The following TGM7 variants were observed in gnomAD, a reference collection of about 807,000 sequenced individuals.
TGM7 encodes transglutaminase 7.
Under a neutral mutation model 79.5 loss-of-function variants are expected in TGM7, and 74 were observed. The observed-to-expected ratio is 0.93, with a 90% CI of 0.77 to 1.13. The LOEUF (loss-of-function observed/expected upper bound fraction) is 1.13, where lower values mean the gene tolerates loss of function less well. TGM7 is among the 50% of genes most tolerant of loss of function. The probability of loss-of-function intolerance (pLI) is 0.00; values close to 1 mark genes in which losing one functional copy is unlikely to be tolerated. For missense variants in TGM7, 912 were observed against 905.9 expected, an observed-to-expected ratio of 1.01 and a Z score of -0.09; for synonymous variants, 354 against 362.5, an observed-to-expected ratio of 0.98 and a Z score of 0.27.
rs760364994 is a variant in TGM7 at position 43,276,561 on chromosome 15, G to C, written c.2027C>G (p.Pro676Arg). The C allele has an allele frequency of 6.2e-7, 1 of 1,614,156 alleles. No homozygotes were observed. Among genetic ancestry groups the C allele is most frequent in the East Asian group, 2.2e-5 (1 of 44,870 alleles). The stretch of plus-strand genomic sequence containing the variant: ...GAGCTGGCGGGGTCCAGCTTTGGTC[G>C]GGTAGAGGTCCAGTTGAATTTGGAG... Reference protein sequence around the residue: ...HTLQIQLDLYPTKAGPRQLQV... With the variant: ...HTLQIQLDLYRTKAGPRQLQV... The change falls in exon 13 of 13, where the codon CCG becomes CGG. Residue 676 changes from proline to arginine, a missense_variant. Transcript: ENST00000452443.
intron 1 of TGM7, among the ~76,000 whole-genome samples, chr15:43,297,765 G>A (rs1242320141): frequency 2.0e-5 from 3 of 152,144 alleles, no homozygotes; most frequent in Admixed American, 6.6e-5. Flanking sequence ...CTCTCCACTC[G>A]GGTCTTGGCT....
intron 8 of TGM7, 111 bp from the exon 9 acceptor site, chr15:43,282,197 T>G: frequency 6.9e-7 from 1 of 1,448,248 alleles, no homozygotes; most frequent in Non-Finnish European, 9.3e-7. Flanking sequence ...GTGGGATATC[T>G]TCCAGTTTAC....
chr15:43,277,561 C>T (rs2042884489), intron 11 of TGM7, among the ~76,000 whole-genome samples: 1 of 152,180 alleles, frequency 6.6e-6, no homozygotes, highest in African/African-American at 2.4e-5. Context: ...GCTGCTGTGT[C>T]TTCATAAACA....
rs551681536 is a variant in TGM7 at position 43,294,351 on chromosome 15, G to C, written c.11-720C>G. Reference sequence around the variant, plus strand: ...GTTGTAAAACTCTCATAGCACAGTAGGCAGTGGGCAGGTTCTGGACTGACA... The same window carrying C: ...GTTGTAAAACTCTCATAGCACAGTACGCAGTGGGCAGGTTCTGGACTGACA... On this transcript the variant is annotated intron_variant, in intron 1 of 12. Coordinates refer to ENST00000452443, the MANE Select transcript of TGM7 (RefSeq NM_052955.3). Among the ~76,000 whole-genome samples, 7 of 152,314 alleles carry C rather than the reference G, an allele frequency of 4.6e-5. No individual in the cohort carries two copies. In the East Asian group the frequency reaches 1.4e-3, roughly 29 times the overall value.
Position 43,282,514 on chromosome 15 carries a change from C to T in TGM7, c.1108+3G>A. 6.3e-7 allele frequency: 1 copy of T among 1,580,830 alleles called. No homozygotes were observed. The highest frequency in any genetic ancestry group is 2.3e-5 in the East Asian group (1 of 43,752). ...AGAGCCTGTTGCAATGGTCCTCACT[C>T]ACCACTGCTGGTCTGCTGGGGAGTG... On this transcript the variant is annotated splice_donor_region_variant and intron_variant, in intron 8 of 12. Coordinates refer to ENST00000452443, the MANE Select transcript of TGM7 (RefSeq NM_052955.3).
At position 43,290,569 on chromosome 15, in the gene TGM7, A is replaced by G. The variant is rs1456298396; in HGVS notation, c.558+1410T>C. Among the ~76,000 whole-genome samples the G allele has an allele frequency of 2.0e-5, 3 of 152,304 alleles. No homozygotes were observed. The East Asian group carries it at 5.8e-4, about 29-fold the overall frequency. On this transcript the variant is annotated intron_variant, in intron 4 of 12. Transcript: ENST00000452443. ...GCAGGCTCTTTTTGGGTTCCATATG[A>G]ACTTTAAAGTAGCTTTTTCCAATTC...
In TGM7 at chr15:43,276,551, A is replaced by G; in HGVS notation, c.2037T>C (p.Ala679=). Residue 679 remains alanine (A), a synonymous_variant, in exon 13 of 13, where the codon GCT becomes GCC. Transcript: ENST00000452443. Reference sequence around the variant, plus strand: ...TGAGAACCTGGAGCTGGCGGGGTCCAGCTTTGGTCGGGTAGAGGTCCAGTT... The same window carrying G: ...TGAGAACCTGGAGCTGGCGGGGTCCGGCTTTGGTCGGGTAGAGGTCCAGTT... ...QIQLDLYPTK[A]GPRQLQVLIS... The G allele has an allele frequency of 1.9e-6, 3 of 1,614,168 alleles. No homozygotes were observed. The highest frequency in any genetic ancestry group is 2.5e-6 in the Non-Finnish European group (3 of 1,180,024).
At position 43,279,901 on chromosome 15, in the gene TGM7, C is replaced by T. The variant is rs2042898580; in HGVS notation, c.1402G>A (p.Gly468Ser). The T allele has an allele frequency of 6.2e-7, 1 of 1,614,140 alleles. No homozygotes were observed. The highest frequency in any genetic ancestry group is 8.5e-7 in the Non-Finnish European group (1 of 1,180,010). ...VFMKASRKMLGPQRASLPFLD... is the reference protein window; with the variant it reads ...VFMKASRKMLSPQRASLPFLD... The stretch of plus-strand genomic sequence containing the variant: ...AAGGGCAAAGAAGCTCTTTGGGGGC[C>T]CAGCATTTTCCGAGAAGCCTTCATG... Residue 468 changes from glycine (G) to serine (S), a missense_variant, in exon 10 of 13, where the codon GGC (glycine) becomes AGC (serine). Coordinates refer to ENST00000452443, the MANE Select transcript of TGM7 (RefSeq NM_052955.3).
At chr15:43,281,823 C>T (rs1427441257) in intron 9 of TGM7, 21 bp downstream of exon 9, 1 of 1,609,828 alleles carries the variant, frequency 6.2e-7, no homozygotes, top group Non-Finnish European at 8.5e-7. Context: ...GCAGCCCTTT[C>T]CCCAAATACC....
At position 43,279,851 on chromosome 15, in the gene TGM7, A is replaced by AC. The variant is rs766467510; in HGVS notation, c.1451dup (p.Leu485SerfsTer2). ...GCAGCTGCGCTGGCTGATCCCTAAG[A>AC]CCCCCAGACTCCAGGAGATCCAGGA... On this transcript the variant is annotated frameshift_variant, in exon 10 of 13. Coordinates refer to ENST00000452443, the MANE Select transcript of TGM7 (RefSeq NM_052955.3). LOFTEE classifies it high-confidence loss of function. 2.5e-6 allele frequency: 4 copies of AC among 1,613,954 alleles called. No homozygotes were observed. The highest frequency in any genetic ancestry group is 3.4e-6 in the Non-Finnish European group (4 of 1,179,988).
chr15:43,293,520 A>T lies in TGM7; in HGVS notation c.122T>A (p.Phe41Tyr), dbSNP rs1180993200. Residue 41 changes from phenylalanine to tyrosine, a missense_variant, in exon 2 of 13, where the codon TTC becomes TAC. Coordinates refer to ENST00000452443, the MANE Select transcript of TGM7 (RefSeq NM_052955.3). ...KRLTVRRGQP[F>Y]YLRLSFSRPF... ...TCGGCTGAAGCTCAGCCGGAGGTAG[A>T]AGGGCTGGCCGCGGCGCACAGTGAG... is the stretch of plus-strand genomic sequence containing the variant. 1 of 1,611,760 alleles carries T rather than the reference A, an allele frequency of 6.2e-7. No individual in the cohort carries two copies. Among genetic ancestry groups the T allele is most frequent in the South Asian group, 1.1e-5 (1 of 90,992 alleles).
At position 43,279,652 on chromosome 15, in the gene TGM7, C is replaced by A. The variant is rs1207780038; in HGVS notation, c.1651G>T (p.Val551Leu). The change falls in exon 10 of 13, where the codon GTG becomes TTG. Residue 551 changes from valine to leucine, a missense_variant. Coordinates refer to ENST00000452443, the MANE Select transcript of TGM7 (RefSeq NM_052955.3). Reference sequence around the variant, plus strand: ...TTCCCAAAGTCCAGGTTCATCCGCACTGTGTGCCTCCAGAAGGGCTTCTGG... The same window carrying A: ...TTCCCAAAGTCCAGGTTCATCCGCAATGTGTGCCTCCAGAAGGGCTTCTGG... Reference protein sequence around the residue: ...GTQKPFWRHTVRMNLDFGKET... With the variant: ...GTQKPFWRHTLRMNLDFGKET... 1 of 1,607,374 alleles carries A rather than the reference C, an allele frequency of 6.2e-7. No homozygotes were observed. The highest frequency in any genetic ancestry group is 1.7e-5 in the Admixed American group (1 of 59,296).
chr15:43,277,126 G>C, intron 11 of TGM7, 131 bp from the exon 12 acceptor site: 1 of 1,196,050 alleles, frequency 8.4e-7, no homozygotes. Flanking sequence ...CCACAGTGGC[G>C]AGGGAGGAAT....
chr15:43,279,942 T>A lies in TGM7; in HGVS notation c.1361A>T (p.Glu454Val), dbSNP rs1221260051. The change falls in exon 10 of 13, where the codon GAG (glutamate) becomes GTG (valine). Residue 454 changes from glutamate to valine, a missense_variant. Glu to Val is a moderately radical substitution (Grantham distance 121, BLOSUM62 -2). Coordinates refer to ENST00000452443, the MANE Select transcript of TGM7 (RefSeq NM_052955.3). ...SSYKYPEGSP[E>V]ERAVFMKASR... is the part of the protein sequence containing the mutation. ...AGCCTTCATGAAGACAGCTCTCTCC[T>A]CAGGGGATCCTGCAGAAGGGAGAGG... 9 of 1,613,458 alleles carry A rather than the reference T, an allele frequency of 5.6e-6. No individual in the cohort carries two copies. The highest frequency in any genetic ancestry group is 7.6e-6 in the Non-Finnish European group (9 of 1,179,696).
intron 1 of TGM7, 174 bp downstream of exon 1, chr15:43,302,067 C>A: frequency 1.4e-6 from 1 of 721,712 alleles, no homozygotes. Flanking sequence ...GGATTTGTGC[C>A]CCAAGGTCCA....
chr15:43,299,500 G>A (rs1237701849), intron 1 of TGM7, among the ~76,000 whole-genome samples: 1 of 152,208 alleles, frequency 6.6e-6, no homozygotes, highest in Non-Finnish European at 1.5e-5. Context: ...CAGCTAGGGT[G>A]GATGAAAAAT....
In TGM7 at chr15:43,292,047, G is replaced by T. The variant is rs139724216; in HGVS notation, c.490C>A (p.Arg164=). 2.5e-6 allele frequency: 4 copies of T among 1,613,914 alleles called. No homozygotes were observed. Among genetic ancestry groups the T allele is most frequent in the East Asian group, 4.5e-5 (2 of 44,888 alleles). ...CCCTTGTAAACAAAGCCATAATCTC[G>T]CATGATATACTCCTGCAGCAGTATT... ...SEILLQEYIM[R]DYGFVYKGHE... is the part of the protein sequence containing the mutation. The change falls in exon 4 of 13, where the codon CGA becomes AGA. Residue 164 remains arginine (R), a synonymous_variant. Coordinates refer to ENST00000452443, the MANE Select transcript of TGM7 (RefSeq NM_052955.3).
At chr15:43,280,404 G>A (rs568651873) in intron 9 of TGM7, among the ~76,000 whole-genome samples, 20 of 152,092 alleles carry the variant, frequency 1.3e-4, no homozygotes, top group Non-Finnish European at 2.2e-4. Flanking sequence ...TGGGTGGATC[G>A]CCTGAGGTCA....
intron 3 of TGM7, 109 bp from the exon 4 acceptor site, chr15:43,292,206 C>T (rs896353284): frequency 6.8e-6 from 5 of 730,148 alleles, no homozygotes; most frequent in African/African-American, 3.5e-5. Flanking sequence ...GAGGAACAGT[C>T]GATGGGTTGA....
Sources: allele counts gnomAD v4.1 joint callset (sites outside exome capture counted in the v4.1 genomes callset), GRCh38; gene constraint gnomAD v4.1.1; transcripts MANE v1.5; gene names NCBI Gene and HGNC (gene_info 2026-07-23, HGNC 2026-07-21).